Variants in SOX6 observed in about 807,000 individuals in gnomAD.
The protein encoded by SOX6 is SRY-box transcription factor 6, also known as transcription factor SOX-6.
In SOX6, 11 loss-of-function variants were observed where a neutral mutation model predicts 97.8. The ratio of observed to expected loss-of-function variants is 0.11; its 90% CI spans 0.07 to 0.19. The LOEUF is 0.19. SOX6 is among the 10% of genes least tolerant of loss of function. The pLI is 1.00. For synonymous variants in SOX6, 360 were observed against 371.4 expected, an observed-to-expected ratio of 0.97 and a Z score of 0.35; for missense variants, 810 against 1,039.5, an observed-to-expected ratio of 0.78 and a Z score of 3.04.
intron 2 of SOX6, among the ~76,000 whole-genome samples, chr11:16,735,116 A>C (rs556986331): frequency 6.6e-6 from 1 of 152,308 alleles, no homozygotes; most frequent in African/African-American, 2.4e-5. Context: ...AGAATGCATA[A>C]AATGAATTTA....
chr11:16,450,996 G>A (rs1467025434), intron 1 of SOX6, among the ~76,000 whole-genome samples: 1 of 152,176 alleles, frequency 6.6e-6, no homozygotes, highest in East Asian at 1.9e-4. Context: ...CACTTTGGGA[G>A]GCTAAGGCAG....
chr11:16,459,493 T>A (rs1219993722), intron 1 of SOX6, among the ~76,000 whole-genome samples: 1 of 151,902 alleles, frequency 6.6e-6, no homozygotes, highest in African/African-American at 2.4e-5. Flanking sequence ...AATCAATCAA[T>A]TGAAACTGAT....
intron 4 of SOX6, among the ~76,000 whole-genome samples, chr11:16,570,767 G>C (rs531159295): frequency 6.6e-6 from 1 of 152,196 alleles, no homozygotes; most frequent in Non-Finnish European, 1.5e-5. Context: ...ACACATACTA[G>C]AAACTTTCAA....
At chr11:16,633,012 G>C (rs1177451248) in intron 3 of SOX6, among the ~76,000 whole-genome samples, 5 of 152,022 alleles carry the variant, frequency 3.3e-5, no homozygotes, top group African/African-American at 2.4e-5. Context: ...AAATTCCTGG[G>C]GATCTGCCTG....
chr11:16,074,229 A>C (rs1474966444), intron 9 of SOX6, among the ~76,000 whole-genome samples: 1 of 152,096 alleles, frequency 6.6e-6, no homozygotes, highest in African/African-American at 2.4e-5. Context: ...AAACAGAACA[A>C]ATAAACACAA....
chr11:16,046,420 T>C, intron 12 of SOX6, 94 bp downstream of exon 12: 2 of 1,371,778 alleles, frequency 1.5e-6, no homozygotes, highest in Non-Finnish European at 2.1e-6. Flanking sequence ...CCCAAATCTA[T>C]GGCTGCAGGT....
intron 4 of SOX6, among the ~76,000 whole-genome samples, chr11:16,195,833 C>G (rs1351622846): frequency 6.6e-6 from 1 of 152,166 alleles, no homozygotes; most frequent in Non-Finnish European, 1.5e-5. Context: ...GAAATACACT[C>G]AAATATTTGC....
intron 12 of SOX6, among the ~76,000 whole-genome samples, chr11:16,035,186 C>T (rs188227672): frequency 7.2e-5 from 11 of 152,238 alleles, no homozygotes; most frequent in Non-Finnish European, 1.0e-4. Context: ...CTTTTCAAGG[C>T]GCATCAGGAC....
At chr11:16,206,955 T>C (rs1235250033) in intron 4 of SOX6, among the ~76,000 whole-genome samples, 1 of 152,128 alleles carries the variant, frequency 6.6e-6, no homozygotes, top group Non-Finnish European at 1.5e-5. Flanking sequence ...CAACATGATA[T>C]ACATAGCACT....
intron 4 of SOX6, among the ~76,000 whole-genome samples, chr11:16,210,871 ATAG>A (rs1156757154): frequency 3.3e-5 from 5 of 152,202 alleles, no homozygotes; most frequent in African/African-American, 4.8e-5. Flanking sequence ...ATAGTAAGAG[ATAG>A]TAAACGCTGT....
intron 4 of SOX6, among the ~76,000 whole-genome samples, chr11:16,580,799 C>T (rs1848025652): frequency 6.6e-6 from 1 of 152,158 alleles, no homozygotes; most frequent in African/African-American, 2.4e-5. Flanking sequence ...TATGAACAGA[C>T]ACTTCTCAAA....
At chr11:16,164,836 GAAAGAAAGAAAGAAA>G (rs1490265573) in intron 6 of SOX6, among the ~76,000 whole-genome samples, 1 of 141,106 alleles carries the variant, frequency 7.1e-6, no homozygotes, top group Non-Finnish European at 1.5e-5. Context: ...AAAAAAAAAA[GAAAGAAAGAAAGAAA>G]AAAGAAAGTC....
intron 1 of SOX6, among the ~76,000 whole-genome samples, chr11:16,395,974 T>C (rs1294493965): frequency 1.3e-5 from 2 of 151,814 alleles, no homozygotes; most frequent in Non-Finnish European, 2.9e-5. Context: ...TTCACTGATT[T>C]ATTTCCCTTC....
chr11:16,492,568 A>C (rs1200186696), intron 4 of SOX6, among the ~76,000 whole-genome samples: 2 of 152,192 alleles, frequency 1.3e-5, no homozygotes, highest in African/African-American at 4.8e-5. Flanking sequence ...AAAAGAATCC[A>C]GTTCCCATTG....
intron 3 of SOX6, among the ~76,000 whole-genome samples, chr11:16,251,293 G>C (rs765668456): frequency 2.0e-5 from 3 of 152,032 alleles, no homozygotes; most frequent in African/African-American, 4.8e-5. Context: ...AATAGAAACT[G>C]TAGTCTCACA....
chr11:16,593,957 T>C (rs1337284024), intron 4 of SOX6, among the ~76,000 whole-genome samples: 2 of 152,246 alleles, frequency 1.3e-5, no homozygotes, highest in Non-Finnish European at 2.9e-5. Context: ...ATACTTTTTA[T>C]ATGCTCTATT....
At chr11:15,975,825 C>A (rs1302973551) in intron 15 of SOX6, among the ~76,000 whole-genome samples, 3 of 124,338 alleles carry the variant, frequency 2.4e-5, no homozygotes, top group African/African-American at 9.2e-5. Flanking sequence ...CAAGCTCACA[C>A]TATCAGAAAA....
intron 9 of SOX6, among the ~76,000 whole-genome samples, chr11:16,079,536 CATAG>C (rs1848428869): frequency 6.6e-6 from 1 of 151,846 alleles, no homozygotes; most frequent in African/African-American, 2.4e-5. Context: ...AATAATAATA[CATAG>C]ATTTATTAAA....
At chr11:16,646,145 G>A (rs750278310) in intron 3 of SOX6, 3 of 152,148 alleles carry the variant, frequency 2.0e-5, no homozygotes, top group Non-Finnish European at 4.4e-5. Context: ...TTTTATGACA[G>A]AGAGAAAAAG....
Sources: allele counts gnomAD v4.1 joint callset (sites outside exome capture counted in the v4.1 genomes callset), GRCh38; gene constraint gnomAD v4.1.1; transcripts MANE v1.5; gene names NCBI Gene and HGNC (gene_info 2026-07-23, HGNC 2026-07-21).